Variants in SV2B observed in about 807,000 individuals in gnomAD.
SV2B encodes solute carrier family 22 member B2.
Under a neutral mutation model 73.9 loss-of-function variants are expected in SV2B, and 41 were observed. The ratio of observed to expected loss-of-function variants is 0.56; its 90% CI spans 0.43 to 0.72. The LOEUF is 0.72. SV2B is among the 30% of genes least tolerant of loss of function. The probability of loss-of-function intolerance (pLI) is 0.00; values close to 1 mark genes in which losing one functional copy is unlikely to be tolerated. For synonymous variants in SV2B, 314 were observed against 314.2 expected, an observed-to-expected ratio of 1.00 and a Z score of 0.01; for missense variants, 764 against 857.8, an observed-to-expected ratio of 0.89 and a Z score of 1.37.
At chr15:91,211,228 G>A (rs1395989674) in intron 1 of SV2B, among the ~76,000 whole-genome samples, 2 of 152,250 alleles carry the variant, frequency 1.3e-5, no homozygotes, top group Admixed American at 1.3e-4. Context: ...GTGGAATGGA[G>A]TGAAGGGCTC....
chr15:91,279,641 C>G (rs910897986), intron 9 of SV2B, among the ~76,000 whole-genome samples: 3 of 152,228 alleles, frequency 2.0e-5, no homozygotes, highest in African/African-American at 7.2e-5. Context: ...TAAGGGCTGC[C>G]TGCGTCAGAC....
chr15:91,168,332 A>AGAGAGAGAG (rs1567308862), intron 1 of SV2B, among the ~76,000 whole-genome samples: 8 of 78,306 alleles, frequency 1.0e-4, no homozygotes, highest in African/African-American at 2.6e-4. Flanking sequence ...GAGAGAGAGA[A>AGAGAGAGAG]AAGAAATTTC....
chr15:91,185,604 T>C (rs982345154), intron 1 of SV2B, among the ~76,000 whole-genome samples: 3 of 152,208 alleles, frequency 2.0e-5, no homozygotes, highest in Non-Finnish European at 4.4e-5. Flanking sequence ...TATGTCAGTG[T>C]CCTTTGGGGG....
intron 1 of SV2B, among the ~76,000 whole-genome samples, chr15:91,191,502 G>A (rs7167107): frequency 0.014 from 2,062 of 152,000 alleles, 46 homozygotes; most frequent in African/African-American, 0.047. Flanking sequence ...TCTACTCTTG[G>A]TACCTAACTA....
rs1470550343 is a variant in SV2B at position 91,265,959 on chromosome 15, G to A, written c.1009-623G>A. ...AGATGGAGACCATCCTGGCCAACATGGTGAAACCCTGTCTCTATTAAAAAA... is the reference window on the plus strand; with the variant it reads ...AGATGGAGACCATCCTGGCCAACATAGTGAAACCCTGTCTCTATTAAAAAA... On this transcript the variant is annotated intron_variant, in intron 6 of 12. Coordinates refer to ENST00000394232, the MANE Select transcript of SV2B (RefSeq NM_001323032.3). The surrounding 1 kb of genome is among the most constrained non-coding windows in gnomAD (Gnocchi z 4.2). 6.6e-6 allele frequency among the ~76,000 whole-genome samples: 1 copy of A among 152,198 alleles called. No homozygotes were observed. The highest frequency in any genetic ancestry group is 1.9e-4 in the East Asian group (1 of 5,196).
rs564928158 is a variant in SV2B at position 91,300,895 on chromosome 15, A to G, written c.*8343A>G. The G allele has an allele frequency of 2.0e-5, 3 of 152,322 alleles. No individual in the cohort carries two copies. In the East Asian group the frequency reaches 5.8e-4, roughly 29 times the overall value. The allele number at this position is 152,322 out of a possible 1,614,324, so 9.4% of individuals were successfully genotyped here. On this transcript the variant is annotated 3_prime_UTR_variant, in exon 13 of 13. Coordinates refer to ENST00000394232, the MANE Select transcript of SV2B (RefSeq NM_001323032.3). ...CCTGTGAAGCACTCTAAGAACTGTA[A>G]AAAATATTTCATAGGTATAGAAGGC...
At chr15:91,176,678 A>G (rs1283843982) in intron 1 of SV2B, among the ~76,000 whole-genome samples, 10 of 151,860 alleles carry the variant, frequency 6.6e-5, no homozygotes, top group South Asian at 2.1e-4. Flanking sequence ...TTTTGGCTGC[A>G]TAAATGTCTT....
intron 1 of SV2B, among the ~76,000 whole-genome samples, chr15:91,164,121 A>G (rs1596502550): frequency 1.3e-5 from 2 of 152,182 alleles, no homozygotes; most frequent in Non-Finnish European, 1.5e-5. Context: ...TCATTGGTCT[A>G]TATCTCTGTT....
In SV2B at chr15:91,251,825, T is replaced by C. The variant is rs2047494178; in HGVS notation, c.458T>C (p.Ile153Thr). 1.2e-6 allele frequency: 2 copies of C among 1,614,124 alleles called. No homozygotes were observed. The highest frequency in any genetic ancestry group is 1.7e-6 in the Non-Finnish European group (2 of 1,180,004). Residue 153 changes from isoleucine to threonine, a missense_variant, in exon 3 of 13, where the codon ATA becomes ACA. Ile to Thr is a moderately conservative substitution (Grantham distance 89). Coordinates refer to ENST00000394232, the MANE Select transcript of SV2B (RefSeq NM_001323032.3). ...CTCCTCCCCCTCATTGCAGGGATGA[T>C]AGTCTACTTGGGAATGATGGCGGGC... is the stretch of plus-strand genomic sequence containing the variant. ...SSSKKGMLGM[I>T]VYLGMMAGAF...
At position 91,252,301 on chromosome 15, in the gene SV2B, T is replaced by A; in HGVS notation, c.633-68T>A. 6.5e-7 allele frequency: 1 copy of A among 1,544,450 alleles called. No individual in the cohort carries two copies. The highest frequency in any genetic ancestry group is 8.7e-7 in the Non-Finnish European group (1 of 1,143,610). ...GAGCCTAAGGTGGGGTATAGGCAAC[T>A]TGGTTTCTGCTGTGACCATTTTTAG... On this transcript the variant is annotated intron_variant, in intron 3 of 12. Coordinates refer to ENST00000394232, the MANE Select transcript of SV2B (RefSeq NM_001323032.3). The surrounding 1 kb of genome is among the most constrained non-coding windows in gnomAD (Gnocchi z 4.6).
At chr15:91,148,486 C>T (rs902824721) in intron 1 of SV2B, among the ~76,000 whole-genome samples, 2 of 151,994 alleles carry the variant, frequency 1.3e-5, no homozygotes, top group East Asian at 1.9e-4. Context: ...TCTGGGTTCC[C>T]CCAGAAGCAG....
At chr15:91,275,793 T>C (rs1189327108) in intron 9 of SV2B, among the ~76,000 whole-genome samples, 2 of 152,152 alleles carry the variant, frequency 1.3e-5, no homozygotes, top group Non-Finnish European at 2.9e-5. Context: ...ACCACTGCAC[T>C]CCAGCCTGGG....
At position 91,220,855 on chromosome 15, in the gene SV2B, ATTATT is replaced by A. The variant is rs1324453460; in HGVS notation, c.-391-5000_-391-4996del. On this transcript the variant is annotated intron_variant, in intron 1 of 12. Coordinates refer to ENST00000394232, the MANE Select transcript of SV2B (RefSeq NM_001323032.3). The surrounding 1 kb of genome is among the most constrained non-coding windows in gnomAD (Gnocchi z 4.1). ...ATCATAATTTTTATTTTTCATGTTTATTATTTTATTTTATTTTATTTTTTTGAGAC... is the reference window on the plus strand; with the variant it reads ...ATCATAATTTTTATTTTTCATGTTTATTATTTTATTTTATTTTTTTGAGAC... Among the ~76,000 whole-genome samples the A allele has an allele frequency of 3.3e-5, 5 of 151,060 alleles. No individual in the cohort carries two copies. The highest frequency in any genetic ancestry group is 9.9e-5 in the African/African-American group (4 of 40,576).
At chr15:91,194,096 G>A (rs2045152792) in intron 1 of SV2B, among the ~76,000 whole-genome samples, 1 of 151,912 alleles carries the variant, frequency 6.6e-6, no homozygotes, top group Admixed American at 6.6e-5. Flanking sequence ...AATTTATGCA[G>A]CATCAGCTGG....
intron 2 of SV2B, among the ~76,000 whole-genome samples, chr15:91,251,446 G>C (rs2047476889): frequency 6.6e-6 from 1 of 152,148 alleles, no homozygotes; most frequent in Non-Finnish European, 1.5e-5. Context: ...ACTTTACCCT[G>C]GAAATTCTCT....
At chr15:91,113,943 C>A (rs1052556688) in intron 1 of SV2B, among the ~76,000 whole-genome samples, 1 of 152,092 alleles carries the variant, frequency 6.6e-6, no homozygotes, top group South Asian at 2.1e-4. Context: ...ACTATAGATT[C>A]CCTGAGAGAA....
intron 1 of SV2B, among the ~76,000 whole-genome samples, chr15:91,181,836 C>T (rs190922423): frequency 7.8e-4 from 119 of 151,726 alleles, no homozygotes; most frequent in African/African-American, 2.7e-3. Flanking sequence ...AGAAAATTCA[C>T]GGCATCTGGT....
intron 1 of SV2B, among the ~76,000 whole-genome samples, chr15:91,157,174 C>T (rs546003794): frequency 2.6e-5 from 4 of 152,244 alleles, no homozygotes; most frequent in Admixed American, 6.5e-5. Flanking sequence ...CATTTCTACT[C>T]GTCAAAGTCT....
In SV2B at chr15:91,296,290, C is replaced by A. The variant is rs2049221906; in HGVS notation, c.*3738C>A. 1 of 152,184 alleles carries A rather than the reference C, an allele frequency of 6.6e-6. No homozygotes were observed. The highest frequency in any genetic ancestry group is 2.4e-5 in the African/African-American group (1 of 41,450). 9.4% of individuals were successfully genotyped at this position (152,184 alleles called of 1,614,324 possible). A position where few individuals can be genotyped will look rare whatever the true frequency, so the allele number is the denominator to read the frequency against. On this transcript the variant is annotated 3_prime_UTR_variant, in exon 13 of 13. Transcript: ENST00000394232. ...TCTAGGGGGCATCTGTGCTAACTGA[C>A]CTGGGATTATGTTGGATGGCATATG...
Sources: allele counts gnomAD v4.1 joint callset (sites outside exome capture counted in the v4.1 genomes callset), GRCh38; gene constraint gnomAD v4.1.1; non-coding constraint Gnocchi (gnomAD v3.1); transcripts MANE v1.5; gene names NCBI Gene and HGNC (gene_info 2026-07-23, HGNC 2026-07-21).